The following NPIPB2 variants were observed in gnomAD, a reference collection of about 807,000 sequenced individuals.
The protein encoded by NPIPB2 is nuclear pore complex-interacting protein family member B2.
In NPIPB2, 27 loss-of-function variants were observed where a neutral mutation model predicts 30.8. That is an observed-to-expected ratio of 0.88 (90% CI 0.65 to 1.21). NPIPB2 has a LOEUF of 1.21. Ranked by LOEUF, NPIPB2 falls within the 50% of genes most tolerant of loss-of-function variation. The pLI, the probability that NPIPB2 is intolerant of heterozygous loss-of-function variation, is 0.00. For synonymous variants in NPIPB2, 147 were observed against 162.0 expected (o/e 0.91, Z 0.70); for missense variants, 440 against 446.2 (o/e 0.99, Z 0.13).
Position 11,930,413 on chromosome 16 carries a change from G to A in NPIPB2, c.590+37C>T, listed in dbSNP as rs1358935403. 64 of 1,519,912 alleles carry A rather than the reference G, an allele frequency of 4.2e-5. 2 individuals carry two copies. The highest frequency in any genetic ancestry group is 2.8e-4 in the African/African-American group (20 of 70,818). 94.2% of individuals were successfully genotyped at this position (1,519,912 alleles called of 1,614,324 possible). A position where few individuals can be genotyped will look rare whatever the true frequency, so the allele number is the denominator to read the frequency against. On this transcript the variant is annotated intron_variant, in intron 5 of 7. Coordinates refer to ENST00000399147, the Ensembl canonical transcript of NPIPB2. ...GGTTAAAAACAACACTCCAATGGGC[G>A]TTTCCCAAGAGGGTGGGGTTCAGTT... is the stretch of plus-strand genomic sequence containing the variant.
chr16:11,927,417 G>A (rs1445944151), exon 8 of NPIPB2: 16 of 1,096,006 alleles, frequency 1.5e-5, no homozygotes, highest in Non-Finnish European at 1.8e-5. Context: ...CTCAACCTCC[G>A]CCTCTTGGGC....
At chr16:11,967,790 G>A in intron 1 of NPIPB2, 1 of 1,614,226 alleles carries the variant, frequency 6.2e-7, no homozygotes, top group South Asian at 1.1e-5. Flanking sequence ...ACTATTGCAA[G>A]AGCCTGCCAG....
At chr16:11,927,538 C>A in exon 8 of NPIPB2, 1 of 1,585,416 alleles carries the variant, frequency 6.3e-7, no homozygotes, top group Non-Finnish European at 8.5e-7. Flanking sequence ...CCATCTCAGC[C>A]GCTCTCCACC....
intron 1 of NPIPB2, among the ~76,000 whole-genome samples, chr16:11,969,728 G>C (rs981795361): frequency 6.6e-6 from 1 of 152,118 alleles, no homozygotes; most frequent in Non-Finnish European, 1.5e-5. Flanking sequence ...ATGTGTAATC[G>C]CAAACTGTGA....
At chr16:11,966,346 G>A in intron 1 of NPIPB2, 1 of 1,606,198 alleles carries the variant, frequency 6.2e-7, no homozygotes, top group East Asian at 2.2e-5. Flanking sequence ...ACACAGGTTG[G>A]TTTGATGGTG....
At chr16:11,945,553 C>G (rs981112048), upstream of NPIPB2, among the ~76,000 whole-genome samples, 1 of 152,014 alleles carries the variant, frequency 6.6e-6, no homozygotes, top group African/African-American at 2.4e-5. Flanking sequence ...TGGTACGTCC[C>G]TGTAGTCCTA....
At chr16:11,952,183 A>AG (rs1555509448) in intron 1 of NPIPB2, among the ~76,000 whole-genome samples, 1 of 145,748 alleles carries the variant, frequency 6.9e-6, no homozygotes, top group East Asian at 2.0e-4. Flanking sequence ...AACAAAAAAA[A>AG]AAACAAAGAA....
intron 1 of NPIPB2, among the ~76,000 whole-genome samples, chr16:11,970,907 G>A (rs148467091): frequency 0.012 from 1,718 of 149,246 alleles, 127 homozygotes; most frequent in Admixed American, 0.1. Context: ...CAGGCTGAGT[G>A]CAGTGGCATA....
intron 1 of NPIPB2, among the ~76,000 whole-genome samples, chr16:11,976,041 C>G (rs2055290179): frequency 6.6e-6 from 1 of 152,048 alleles, no homozygotes; most frequent in Non-Finnish European, 1.5e-5. Flanking sequence ...TCCGCCCTCC[C>G]AAGTGCTGGG....
At chr16:11,970,432 CG>C (rs1209733796) in intron 1 of NPIPB2, among the ~76,000 whole-genome samples, 3 of 152,062 alleles carry the variant, frequency 2.0e-5, no homozygotes, top group South Asian at 2.1e-4. Flanking sequence ...AGGCTGGTCT[CG>C]GACTCCTGAC....
At chr16:11,960,945 C>T (rs2055148842) in intron 1 of NPIPB2, among the ~76,000 whole-genome samples, 1 of 151,608 alleles carries the variant, frequency 6.6e-6, no homozygotes, top group Non-Finnish European at 1.5e-5. Flanking sequence ...TGGCTCACTG[C>T]AACCTCTGCC....
At chr16:11,968,334 G>A (rs1234835132) in intron 1 of NPIPB2, among the ~76,000 whole-genome samples, 1 of 152,050 alleles carries the variant, frequency 6.6e-6, no homozygotes, top group Non-Finnish European at 1.5e-5. Flanking sequence ...AAAATTAGCT[G>A]GGCATGGTGG....
chr16:11,963,490 G>A (rs181910249), intron 1 of NPIPB2, among the ~76,000 whole-genome samples: 1 of 151,932 alleles, frequency 6.6e-6, no homozygotes, highest in Non-Finnish European at 1.5e-5. Flanking sequence ...CCTTAAGAAA[G>A]TGTAAAGAAT....
chr16:11,944,426 C>T (rs1401421619), upstream of NPIPB2, among the ~76,000 whole-genome samples: 1 of 151,836 alleles, frequency 6.6e-6, no homozygotes, highest in East Asian at 2.0e-4. Context: ...CTCAGCCTCC[C>T]AAAGTCCCGG....
chr16:11,952,179 A>AC lies in NPIPB2; in HGVS notation c.-583-10066_-583-10065insG, dbSNP rs1343792182. ...AAAAAAAAAACAAAAACAAAACAAA[A>AC]AAAAAAACAAAGAAAAAAATTAGCT... On this transcript the variant is annotated intron_variant, in intron 1 of 5. Transcript: ENST00000538896. Among the ~76,000 whole-genome samples, 1,319 of 145,716 alleles carry AC rather than the reference A, an allele frequency of 9.1e-3. 27 individuals carry two copies. The highest frequency in any genetic ancestry group is 0.03 in the African/African-American group (1,194 of 39,450).
intron 1 of NPIPB2, among the ~76,000 whole-genome samples, chr16:11,969,128 A>C (rs2055218790): frequency 6.6e-6 from 1 of 151,940 alleles, no homozygotes; most frequent in South Asian, 2.1e-4. Context: ...TGGCCTCCCA[A>C]AGTGTTGGGA....
rs756919965 is a variant in NPIPB2 at position 11,933,606 on chromosome 16, T to A, written c.399A>T (p.Lys133Asn). 7 of 1,459,978 alleles carry A rather than the reference T, an allele frequency of 4.8e-6. No individual in the cohort carries two copies. The South Asian group carries it at 8.1e-5, about 17-fold the overall frequency. 90.4% of individuals were successfully genotyped at this position (1,459,978 alleles called of 1,614,324 possible). Residue 133 changes from lysine (K) to asparagine (N), a missense_variant, in exon 4 of 8, where the codon AAA becomes AAT. This residue lies in a region of NPIPB2 where 252 missense variants were observed against 233.0 expected (regional missense o/e 1.08). Transcript: ENST00000399147. Reference sequence around the variant, plus strand: ...TCATCTTACGGATTTTAGCTCTACCTTTTGTTTCCACATGTCTCCGTAGAG... The same window carrying A: ...TCATCTTACGGATTTTAGCTCTACCATTTGTTTCCACATGTCTCCGTAGAG...
intron 1 of NPIPB2, among the ~76,000 whole-genome samples, chr16:11,969,623 C>T (rs148359881): frequency 6.6e-6 from 1 of 152,174 alleles, no homozygotes; most frequent in African/African-American, 2.4e-5. Flanking sequence ...TAGAATCAAC[C>T]AGACGAATTC....
intron 1 of NPIPB2, among the ~76,000 whole-genome samples, chr16:11,951,534 T>C (rs1320349359): frequency 6.6e-6 from 1 of 150,414 alleles, no homozygotes; most frequent in Non-Finnish European, 1.5e-5. Flanking sequence ...GGGCTAATAT[T>C]TCATGGTTCT....
Sources: gnomAD v4.1 joint callset for allele counts (sites outside exome capture counted in the v4.1 genomes callset) on GRCh38, gnomAD v4.1.1 for gene constraint, gnomAD v4.1.1 regional missense constraint, MANE v1.5 for transcripts, NCBI Gene and HGNC (gene_info 2026-07-23, HGNC 2026-07-21) for gene names.